The following BBS9 variants were observed in gnomAD, a reference collection of about 807,000 sequenced individuals.
BBS9 encodes protein PTHB1.
BBS9 carries 89 observed loss-of-function variants against 117.7 expected under a neutral mutation model. That is an observed-to-expected ratio of 0.76 (90% CI 0.64 to 0.90). BBS9 has a LOEUF of 0.90. BBS9 is among the 40% of genes least tolerant of loss of function. The probability of loss-of-function intolerance (pLI) is 0.00; values close to 1 mark genes in which losing one functional copy is unlikely to be tolerated. For missense variants in BBS9, 982 were observed against 1,042.2 expected (o/e 0.94, Z 0.80); for synonymous variants, 379 against 370.9 (o/e 1.02, Z -0.25).
chr7:33,388,158 C>A lies in BBS9; in HGVS notation c.2115+14C>A. ...ACCTACAAGCAGGTCAGTATAATAT[C>A]AGTAACAGTTTTCTATTACTGGCTA... On this transcript the variant is annotated intron_variant, in intron 19 of 22. Coordinates refer to ENST00000242067, the MANE Select transcript of BBS9 (RefSeq NM_198428.3). 2 of 1,613,484 alleles carry A rather than the reference C, an allele frequency of 1.2e-6. No homozygotes were observed. The highest frequency in any genetic ancestry group is 1.7e-6 in the Non-Finnish European group (2 of 1,179,452).
chr7:33,505,399 C>A, intron 19 of BBS9, 64 bp from the exon 20 acceptor site: 1 of 1,509,274 alleles, frequency 6.6e-7, no homozygotes, highest in East Asian at 2.3e-5. Context: ...GTGTGCCAGA[C>A]ATAATTTGTT....
intron 19 of BBS9, among the ~76,000 whole-genome samples, chr7:33,396,817 T>C (rs567370600): frequency 6.6e-6 from 1 of 152,154 alleles, no homozygotes; most frequent in South Asian, 2.1e-4. Context: ...CAAAGACCAA[T>C]GTAACAGAAT....
chr7:33,307,976 C>A (rs1454976559), intron 9 of BBS9, among the ~76,000 whole-genome samples: 1 of 152,186 alleles, frequency 6.6e-6, no homozygotes, highest in African/African-American at 2.4e-5. Flanking sequence ...GTTAGCACAT[C>A]TCCAAAGTGG....
rs552966364 is a variant in BBS9 at position 33,161,295 on chromosome 7, G to T, written c.328+5593G>T. On this transcript the variant is annotated intron_variant, in intron 4 of 22. Coordinates refer to ENST00000242067, the MANE Select transcript of BBS9 (RefSeq NM_198428.3). ...TGCACCCCACCCCACGACAGGCCCT[G>T]TTATGTGATGTTCCCCACCCTGTGT... 2.0e-5 allele frequency among the ~76,000 whole-genome samples: 3 copies of T among 152,122 alleles called. No homozygotes were observed. The South Asian group carries it at 6.2e-4, about 32-fold the overall frequency.
At chr7:33,158,737 T>A (rs375571997) in intron 4 of BBS9, among the ~76,000 whole-genome samples, 1 of 152,146 alleles carries the variant, frequency 6.6e-6, no homozygotes, top group South Asian at 2.1e-4. Context: ...GTGCTTTTCT[T>A]ATTCAGAGGG....
chr7:33,432,659 A>G (rs1315321039), intron 19 of BBS9, among the ~76,000 whole-genome samples: 1 of 152,170 alleles, frequency 6.6e-6, no homozygotes, highest in Non-Finnish European at 1.5e-5. Context: ...TAGAAAAGAA[A>G]AGTTGTCTAT....
rs139725497 is a variant in BBS9 at position 33,426,822 on chromosome 7, G to A, written c.2115+38678G>A. On this transcript the variant is annotated intron_variant, in intron 19 of 22. Coordinates refer to ENST00000242067, the MANE Select transcript of BBS9 (RefSeq NM_198428.3). Reference sequence around the variant, plus strand: ...GAGACAATTCTGCTGGGTGTCTTTTGTTTCTGTGCATCTTGTGAGCGGAGG... The same window carrying A: ...GAGACAATTCTGCTGGGTGTCTTTTATTTCTGTGCATCTTGTGAGCGGAGG... Among the ~76,000 whole-genome samples the A allele has an allele frequency of 2.4e-4, 37 of 152,224 alleles. No homozygotes were observed. In the East Asian group the frequency reaches 6.2e-3, roughly 25 times the overall value.
chr7:33,227,619 C>A (rs73097254), intron 5 of BBS9, among the ~76,000 whole-genome samples: 1 of 151,856 alleles, frequency 6.6e-6, no homozygotes, highest in African/African-American at 2.4e-5. Context: ...CATTCCCAAC[C>A]TTCCCCCTAC....
intron 19 of BBS9, among the ~76,000 whole-genome samples, chr7:33,494,359 G>A (rs1844434546): frequency 1.3e-5 from 2 of 152,130 alleles, no homozygotes; most frequent in South Asian, 2.1e-4. Context: ...TAAAACTGAC[G>A]CACATGCTTG....
chr7:33,336,445 T>C lies in BBS9; in HGVS notation c.1021T>C (p.Leu341=). Residue 341 remains leucine (L), a synonymous_variant, in exon 10 of 23, where the codon TTA becomes CTA. Transcript: ENST00000242067. ...ATTTTCTCTTCCTTATTGTAGTGAT[T>C]TAAAGGGAGTGATAGTCACTCTGAG... The part of the protein sequence containing the change: ...VAVRVGCLHD[L]KGVIVTLSDD... 6.2e-7 allele frequency: 1 copy of C among 1,612,978 alleles called. No homozygotes were observed. The highest frequency in any genetic ancestry group is 8.5e-7 in the Non-Finnish European group (1 of 1,179,130).
chr7:33,269,415 G>A (rs1453417619), intron 7 of BBS9, among the ~76,000 whole-genome samples: 1 of 151,838 alleles, frequency 6.6e-6, no homozygotes, highest in Non-Finnish European at 1.5e-5. Context: ...ATTTTGGGCC[G>A]ATTAATGGAT....
chr7:33,156,210 G>A lies in BBS9; in HGVS notation c.328+508G>A, dbSNP rs553732099. Among the ~76,000 whole-genome samples, 7 of 152,222 alleles carry A rather than the reference G, an allele frequency of 4.6e-5. No homozygotes were observed. The East Asian group carries it at 1.3e-3, about 29-fold the overall frequency. The stretch of plus-strand genomic sequence containing the variant: ...ATGGTTCTGTGGGTACAAGTATAGT[G>A]TGCGGTTTGGTTTTTATTAAAATTA... On this transcript the variant is annotated intron_variant, in intron 4 of 22. Transcript: ENST00000242067.
intron 19 of BBS9, among the ~76,000 whole-genome samples, chr7:33,407,597 T>G (rs1180050474): frequency 1.4e-5 from 2 of 146,374 alleles, no homozygotes; most frequent in Non-Finnish European, 3.1e-5. Flanking sequence ...GATGGTGATG[T>G]ACAGATGGGT....
chr7:33,382,418 C>T (rs1371286361), intron 17 of BBS9, among the ~76,000 whole-genome samples: 2 of 149,798 alleles, frequency 1.3e-5, no homozygotes, highest in Non-Finnish European at 2.9e-5. Context: ...TGAGATCATG[C>T]CACTGCACTC....
At chr7:33,285,584 GT>G (rs1207103196) in intron 9 of BBS9, among the ~76,000 whole-genome samples, 4 of 152,166 alleles carry the variant, frequency 2.6e-5, no homozygotes, top group South Asian at 4.2e-4. Flanking sequence ...CAGATAAAAG[GT>G]CTTTATGAGA....
chr7:33,536,781 G>T (rs767902762), intron 21 of BBS9, among the ~76,000 whole-genome samples: 67 of 85,962 alleles, frequency 7.8e-4, no homozygotes, highest in Non-Finnish European at 1.5e-3. Context: ...TCTTTTCTTT[G>T]CTATGAGAAA....
rs1583482965 is a variant in BBS9 at position 33,177,370 on chromosome 7, C to A, written c.329-108C>A. The A allele has an allele frequency of 4.0e-6, 3 of 759,216 alleles. No individual in the cohort carries two copies. In the East Asian group the frequency reaches 7.9e-5, roughly 20 times the overall value. The allele number at this position is 759,216 out of a possible 1,614,324, so 47.0% of individuals were successfully genotyped here. Reference sequence around the variant, plus strand: ...CAATACATAATATTTTAGTGCTTTGCCATTATAATTTCCCTAAAATTACTT... The same window carrying A: ...CAATACATAATATTTTAGTGCTTTGACATTATAATTTCCCTAAAATTACTT... On this transcript the variant is annotated intron_variant, in intron 4 of 22. Coordinates refer to ENST00000242067, the MANE Select transcript of BBS9 (RefSeq NM_198428.3).
chr7:33,175,191 C>CT (rs1034763069), intron 4 of BBS9, among the ~76,000 whole-genome samples: 17 of 151,986 alleles, frequency 1.1e-4, no homozygotes, highest in Admixed American at 8.5e-4. Flanking sequence ...GTAATCCCAG[C>CT]TACTCAGGAG....
chr7:33,175,260 A>G (rs1486823416), intron 4 of BBS9, among the ~76,000 whole-genome samples: 1 of 152,044 alleles, frequency 6.6e-6, no homozygotes, highest in African/African-American at 2.4e-5. Context: ...AAATTGTGCC[A>G]CTGAACTCCA....
Sources: allele counts gnomAD v4.1 joint callset (sites outside exome capture counted in the v4.1 genomes callset), GRCh38; gene constraint gnomAD v4.1.1; transcripts MANE v1.5; gene names NCBI Gene and HGNC (gene_info 2026-07-23, HGNC 2026-07-21).